The following MAGI1 variants were observed in gnomAD, a reference collection of about 807,000 sequenced individuals.
MAGI1 encodes membrane associated guanylate kinase, WW and PDZ domain containing 1.
MAGI1 carries 58 observed loss-of-function variants against 139.9 expected under a neutral mutation model. The observed-to-expected ratio is 0.41, with a 90% CI of 0.34 to 0.52. The LOEUF (loss-of-function observed/expected upper bound fraction) is 0.52. Among genes scored for constraint, MAGI1 ranks in the 20% least tolerant of loss-of-function variants. The probability of loss-of-function intolerance (pLI) is 0.12; values close to 1 mark genes in which losing one functional copy is unlikely to be tolerated. For missense variants in MAGI1, 1,874 were observed against 1,901.6 expected (o/e 0.99, Z 0.27); for synonymous variants, 812 against 737.9 (o/e 1.10, Z -1.63).
intron 1 of MAGI1, among the ~76,000 whole-genome samples, chr3:65,685,626 A>T (rs2087959710): frequency 6.6e-6 from 1 of 152,200 alleles, no homozygotes; most frequent in African/African-American, 2.4e-5. Context: ...GTAGCAAATA[A>T]ATACATCTTT....
chr3:65,539,929 CAA>C (rs1468613450), intron 2 of MAGI1, among the ~76,000 whole-genome samples: 3 of 152,164 alleles, frequency 2.0e-5, no homozygotes, highest in Non-Finnish European at 2.9e-5. Context: ...GGGCTTTAAA[CAA>C]AGTTTGGATT....
chr3:65,841,429 CTTTTTGTTTTTG>C (rs796888140), intron 1 of MAGI1, among the ~76,000 whole-genome samples: 1 of 142,002 alleles, frequency 7.0e-6, no homozygotes, highest in Non-Finnish European at 1.5e-5. Flanking sequence ...TTTTGTTTTG[CTTTTTGTTTTTG>C]TTTTTGTTTT....
chr3:65,357,493 C>G (rs1181245537), intron 22 of MAGI1, among the ~76,000 whole-genome samples: 1 of 139,818 alleles, frequency 7.2e-6, no homozygotes, highest in Non-Finnish European at 1.6e-5. Context: ...TCCTTTCCCA[C>G]CCCCCCAACC....
chr3:65,861,753 T>G (rs965024238), intron 1 of MAGI1, among the ~76,000 whole-genome samples: 1 of 151,528 alleles, frequency 6.6e-6, no homozygotes, highest in South Asian at 2.1e-4. Context: ...AAGAGCAGAG[T>G]GACTCAATGG....
intron 1 of MAGI1, among the ~76,000 whole-genome samples, chr3:65,971,579 C>G (rs911986278): frequency 6.6e-6 from 1 of 152,176 alleles, no homozygotes; most frequent in Admixed American, 6.5e-5. Flanking sequence ...AATCTACATC[C>G]AAGTCAAGCA....
At chr3:65,667,045 C>G (rs561940305) in intron 1 of MAGI1, among the ~76,000 whole-genome samples, 46 of 152,192 alleles carry the variant, frequency 3.0e-4, no homozygotes, top group Non-Finnish European at 5.4e-4. Flanking sequence ...ACAGCAGTGT[C>G]CTATTTGTTC....
intron 1 of MAGI1, among the ~76,000 whole-genome samples, chr3:65,951,017 A>AGGGAGGGAGGG (rs2063824458): frequency 1.1e-5 from 1 of 89,476 alleles, no homozygotes; most frequent in Non-Finnish European, 2.7e-5. Context: ...GGAAGGAAGG[A>AGGGAGGGAGGG]AGGAAGGAAG....
chr3:66,031,306 A>C (rs1191142482), intron 1 of MAGI1, among the ~76,000 whole-genome samples: 3 of 152,202 alleles, frequency 2.0e-5, no homozygotes, highest in Non-Finnish European at 2.9e-5. Flanking sequence ...TGCATTAAAT[A>C]ACCCTCGTTT....
chr3:65,923,620 T>C lies in MAGI1; in HGVS notation c.313+114376A>G, dbSNP rs544436917. 5.3e-5 allele frequency among the ~76,000 whole-genome samples: 8 copies of C among 152,284 alleles called. No individual in the cohort carries two copies. The South Asian group carries it at 1.7e-3, about 32-fold the overall frequency. ...ATAAATATGACAAGTATATGCCATA[T>C]CTGAGGGAGTCTACCCTCTAGCAAG... On this transcript the variant is annotated intron_variant, in intron 1 of 22. Transcript: ENST00000402939.
intron 1 of MAGI1, among the ~76,000 whole-genome samples, chr3:65,995,944 G>A (rs1199269495): frequency 6.6e-6 from 1 of 152,154 alleles, no homozygotes; most frequent in African/African-American, 2.4e-5. Context: ...GTTGTAGGGA[G>A]CTATGATCGT....
Position 65,430,835 on chromosome 3 carries a change from G to T in MAGI1, c.1410C>A (p.Phe470Leu). ...TGCTTTTCCGCAGCTTTGTGTGAAT[G>T]AACTTGCCTTTCAACTCAGAAGGGT... ...TRNPSELKGK[F>L]IHTKLRKSSR... is the part of the protein sequence containing the mutation. Residue 470 changes from phenylalanine (F) to leucine (L), a missense_variant, in exon 11 of 23, where the codon TTC (phenylalanine) becomes TTA (leucine). Around this residue, in one of 5 missense-constraint regions of MAGI1, gnomAD observed 648 missense variants for 598.1 expected, o/e 1.08. Transcript: ENST00000402939. 1 of 1,613,534 alleles carries T rather than the reference G, an allele frequency of 6.2e-7. No homozygotes were observed. The highest frequency in any genetic ancestry group is 8.5e-7 in the Non-Finnish European group (1 of 1,179,720).
At position 65,381,874 on chromosome 3, in the gene MAGI1, T is replaced by C. The variant is rs761234926; in HGVS notation, c.2701+3A>G. On this transcript the variant is annotated splice_donor_region_variant and intron_variant, in intron 16 of 22. Coordinates refer to ENST00000402939, the MANE Select transcript of MAGI1 (RefSeq NM_001033057.2). ...TGTCTGAAGGAATGAATGAAATACATACCCGCAAAAACCACTTTACGCCGC... is the reference window on the plus strand; with the variant it reads ...TGTCTGAAGGAATGAATGAAATACACACCCGCAAAAACCACTTTACGCCGC... 8.1e-6 allele frequency: 13 copies of C among 1,605,858 alleles called. No individual in the cohort carries two copies. Among genetic ancestry groups the C allele is most frequent in the Non-Finnish European group, 1.0e-5 (12 of 1,176,004 alleles).
chr3:65,399,303 C>T (rs971847215), intron 13 of MAGI1, among the ~76,000 whole-genome samples: 2 of 152,150 alleles, frequency 1.3e-5, no homozygotes, highest in Non-Finnish European at 2.9e-5. Context: ...CAGAAAAATC[C>T]CATAATCATC....
chr3:65,520,489 G>A (rs192295320), intron 2 of MAGI1, among the ~76,000 whole-genome samples: 1,718 of 148,524 alleles, frequency 0.012, 31 homozygotes, highest in African/African-American at 0.042. Flanking sequence ...GAAGAGTAAT[G>A]GGGCCTAGTT....
chr3:65,360,258 C>T (rs1363554581), intron 22 of MAGI1: 104 of 984,772 alleles, frequency 1.1e-4, no homozygotes, highest in Admixed American at 1.2e-4. Context: ...AGGGGACCAA[C>T]GTATCTGGGG....
At chr3:65,854,525 T>C (rs985233293) in intron 1 of MAGI1, among the ~76,000 whole-genome samples, 1 of 152,220 alleles carries the variant, frequency 6.6e-6, no homozygotes, top group African/African-American at 2.4e-5. Context: ...ACAACCACCA[T>C]TTCCATGTGA....
At chr3:65,460,539 TTTC>T (rs149549657) in intron 5 of MAGI1, among the ~76,000 whole-genome samples, 2,262 of 152,202 alleles carry the variant, frequency 0.015, 31 homozygotes, top group Non-Finnish European at 0.023. Flanking sequence ...GCATTACTTA[TTTC>T]TTCTTCTTTT....
chr3:65,732,926 T>G lies in MAGI1; in HGVS notation c.314-110838A>C, dbSNP rs1576928068. Among the ~76,000 whole-genome samples, 3 of 152,202 alleles carry G rather than the reference T, an allele frequency of 2.0e-5. No individual in the cohort carries two copies. The East Asian group carries it at 5.8e-4, about 29-fold the overall frequency. On this transcript the variant is annotated intron_variant, in intron 1 of 22. Coordinates refer to ENST00000402939, the MANE Select transcript of MAGI1 (RefSeq NM_001033057.2). ...CTAGGTGTAAAATATCAGGGAATGA[T>G]GAGGACTGTGGCAAACTGGGGAATC...
chr3:65,549,452 G>A (rs1576287092), intron 2 of MAGI1: 14 of 985,076 alleles, frequency 1.4e-5, no homozygotes, highest in Non-Finnish European at 1.7e-5. Context: ...GGTCACTGCC[G>A]GAGCCCAGGC....
Sources: gnomAD v4.1 joint callset for allele counts (sites outside exome capture counted in the v4.1 genomes callset) on GRCh38, gnomAD v4.1.1 for gene constraint, gnomAD v4.1.1 regional missense constraint, MANE v1.5 for transcripts, NCBI Gene and HGNC (gene_info 2026-07-23, HGNC 2026-07-21) for gene names.